The following SYN3 variants were observed in gnomAD, a reference collection of about 807,000 sequenced individuals.
The protein encoded by SYN3 is synapsin III.
SYN3 carries 35 observed loss-of-function variants against 65.8 expected under a neutral mutation model. The ratio of observed to expected loss-of-function variants is 0.53; its 90% CI spans 0.41 to 0.70. The LOEUF (loss-of-function observed/expected upper bound fraction) is 0.70, where lower values mean the gene tolerates loss of function less well. SYN3 is among the 30% of genes least tolerant of loss of function. The probability of loss-of-function intolerance (pLI) is 0.00; values close to 1 mark genes in which losing one functional copy is unlikely to be tolerated. For synonymous variants in SYN3, 270 were observed against 292.9 expected (o/e 0.92, Z 0.80); for missense variants, 680 against 749.0 (o/e 0.91, Z 1.08).
At chr22:32,524,132 C>T (rs142354794) in intron 12 of SYN3, among the ~76,000 whole-genome samples, 7 of 152,348 alleles carry the variant, frequency 4.6e-5, no homozygotes, top group Admixed American at 2.0e-4. Flanking sequence ...ACAAAAACTG[C>T]AAGGTGAAGC....
chr22:32,558,114 T>C (rs1281364611), intron 7 of SYN3, among the ~76,000 whole-genome samples: 1 of 152,148 alleles, frequency 6.6e-6, no homozygotes, highest in Non-Finnish European at 1.5e-5. Context: ...TAGCACATAG[T>C]AGGTGCTTAA....
intron 3 of SYN3, among the ~76,000 whole-genome samples, chr22:32,940,269 G>T (rs58893951): frequency 0.027 from 4,062 of 152,152 alleles, 171 homozygotes; most frequent in African/African-American, 0.092. Context: ...TTCTTTGCTG[G>T]ATATATTCAT....
chr22:32,538,019 C>T lies in SYN3; in HGVS notation c.992+17G>A, dbSNP rs2058194070. On this transcript the variant is annotated intron_variant, in intron 9 of 13. Transcript: ENST00000358763. ...ACTATGGCCAGTGCCTCTCCCTACA[C>T]CTCCTTTGTCTCTTACCTCTCTGTC... 6.2e-7 allele frequency: 1 copy of T among 1,613,194 alleles called. No individual in the cohort carries two copies. The highest frequency in any genetic ancestry group is 1.3e-5 in the African/African-American group (1 of 75,032).
chr22:32,889,751 G>A (rs1477335932), intron 4 of SYN3, among the ~76,000 whole-genome samples: 1 of 151,852 alleles, frequency 6.6e-6, no homozygotes, highest in Non-Finnish European at 1.5e-5. Context: ...GTATTTCACA[G>A]TTGTTGGGCA....
At chr22:32,775,187 A>C (rs959501377) in intron 6 of SYN3, among the ~76,000 whole-genome samples, 5 of 152,130 alleles carry the variant, frequency 3.3e-5, no homozygotes, top group African/African-American at 1.2e-4. Context: ...GTGTGCATGC[A>C]GGAGTGTGGA....
chr22:32,518,134 C>G lies in SYN3; in HGVS notation c.1519G>C (p.Ala507Pro). The change falls in exon 13 of 14, where the codon GCC (alanine) becomes CCC (proline). Residue 507 changes from alanine (A) to proline (P), a missense_variant. Ala to Pro is a conservative substitution (Grantham distance 27, BLOSUM62 -1). Transcript: ENST00000358763. ...TGCACAGGGGGCCGGGGCTGTGAGG[C>G]GAGGGTGGCACCTGGCTTGGAGGCC... is the stretch of plus-strand genomic sequence containing the variant. Reference protein sequence around the residue: ...NQASKPGATLASQPRPPVQGR... With the variant: ...NQASKPGATLPSQPRPPVQGR... 1 of 1,606,512 alleles carries G rather than the reference C, an allele frequency of 6.2e-7. No individual in the cohort carries two copies. The highest frequency in any genetic ancestry group is 8.5e-7 in the Non-Finnish European group (1 of 1,176,366).
At chr22:32,590,654 A>G (rs2059115525) in intron 7 of SYN3, among the ~76,000 whole-genome samples, 1 of 152,152 alleles carries the variant, frequency 6.6e-6, no homozygotes, top group Non-Finnish European at 1.5e-5. Flanking sequence ...GTCTGTTCCA[A>G]CTGTTCCATG....
At chr22:32,936,310 C>T (rs1486377019) in intron 3 of SYN3, among the ~76,000 whole-genome samples, 1 of 152,118 alleles carries the variant, frequency 6.6e-6, no homozygotes, top group African/African-American at 2.4e-5. Flanking sequence ...CAAAATTATC[C>T]CTATGTTTAT....
chr22:33,028,710 TGGTGGG>T (rs2053691550), intron 1 of SYN3, among the ~76,000 whole-genome samples: 2 of 145,934 alleles, frequency 1.4e-5, no homozygotes, highest in African/African-American at 5.2e-5. Context: ...GTGGTGGTGG[TGGTGGG>T]GTTGCTACCA....
At chr22:32,906,033 C>T (rs1198255755) in intron 4 of SYN3, among the ~76,000 whole-genome samples, 1 of 152,086 alleles carries the variant, frequency 6.6e-6, no homozygotes, top group Non-Finnish European at 1.5e-5. Context: ...AGCTAGAGGC[C>T]CATGGGAAAG....
Position 32,554,568 on chromosome 22 carries a change from A to G in SYN3, c.775-12855T>C, listed in dbSNP as rs571912510. Among the ~76,000 whole-genome samples, 20 of 152,242 alleles carry G rather than the reference A, an allele frequency of 1.3e-4. No individual in the cohort carries two copies. In the South Asian group the frequency reaches 3.3e-3, roughly 25 times the overall value. ...AGGCATCCTTAGTCACCTGCTCTGT[A>G]ACCGTCCTTCCAGCCAAACTATTCA... On this transcript the variant is annotated intron_variant, in intron 7 of 13. Transcript: ENST00000358763.
At chr22:32,692,598 C>T (rs1007881097) in intron 6 of SYN3, among the ~76,000 whole-genome samples, 5 of 152,246 alleles carry the variant, frequency 3.3e-5, no homozygotes, top group South Asian at 2.1e-4. Context: ...TTTCTGTCTC[C>T]GCTGCTTCTG....
At chr22:32,913,876 CT>C (rs2050122635) in intron 4 of SYN3, among the ~76,000 whole-genome samples, 1 of 152,206 alleles carries the variant, frequency 6.6e-6, no homozygotes, top group South Asian at 2.1e-4. Context: ...AAAAGTCTCA[CT>C]CTTTAACGGG....
rs540381339 is a variant in SYN3, at chr22:32,515,900, G to A, written c.1611-2076C>T. On this transcript the variant is annotated intron_variant, in intron 13 of 13. Coordinates refer to ENST00000358763, the MANE Select transcript of SYN3 (RefSeq NM_003490.4). ...TGCAAGCTCCGCCTCCTGGGTTCAC[G>A]CCATTCTCCTGCCTCAGCCTCCCTA... is the stretch of plus-strand genomic sequence containing the variant. 2.9e-3 allele frequency among the ~76,000 whole-genome samples: 443 copies of A among 152,036 alleles called. 1 individual carries two copies. The highest frequency in any genetic ancestry group is 0.01 in the African/African-American group (423 of 41,486).
At chr22:32,556,370 G>A (rs1555895492) in intron 7 of SYN3, among the ~76,000 whole-genome samples, 2 of 152,072 alleles carry the variant, frequency 1.3e-5, no homozygotes, top group Non-Finnish European at 2.9e-5. Flanking sequence ...TTTTCACATG[G>A]TACTTAGTTT....
chr22:32,527,237 T>G (rs1221391642), intron 12 of SYN3, among the ~76,000 whole-genome samples: 1 of 152,190 alleles, frequency 6.6e-6, no homozygotes, highest in Non-Finnish European at 1.5e-5. Flanking sequence ...GAATAAACAC[T>G]TCCTAGGTTT....
chr22:32,938,390 C>T (rs983206087), intron 3 of SYN3, among the ~76,000 whole-genome samples: 1 of 151,582 alleles, frequency 6.6e-6, no homozygotes, highest in African/African-American at 2.4e-5. Context: ...ATTAGCCAGG[C>T]GTGGTGGCGG....
intron 6 of SYN3, among the ~76,000 whole-genome samples, chr22:32,772,259 CTTTTCTTTTT>C (rs1379257759): frequency 7.4e-6 from 1 of 135,720 alleles, no homozygotes; most frequent in Non-Finnish European, 1.6e-5. Context: ...CTTTCTTTTT[CTTTTCTTTTT>C]TTTTTTTTTC....
At chr22:32,623,352 GCTA>G (rs1307422100) in intron 6 of SYN3, among the ~76,000 whole-genome samples, 12 of 151,894 alleles carry the variant, frequency 7.9e-5, no homozygotes, top group Admixed American at 7.9e-4. Context: ...ATCACAGCTG[GCTA>G]CTATTTTATG....
Sources: gnomAD v4.1 joint callset for allele counts (sites outside exome capture counted in the v4.1 genomes callset) on GRCh38, gnomAD v4.1.1 for gene constraint, MANE v1.5 for transcripts, NCBI Gene and HGNC (gene_info 2026-07-23, HGNC 2026-07-21) for gene names.